CECR2: variants seen among roughly 807,000 people sequenced by gnomAD.
CECR2 encodes the protein CECR2 histone acetyl-lysine reader.
Under a neutral mutation model 154.5 loss-of-function variants are expected in CECR2, and 30 were observed. That is an observed-to-expected ratio of 0.19 (90% confidence interval 0.15 to 0.26). CECR2 has a LOEUF of 0.26. Among genes scored for constraint, CECR2 ranks in the 10% least tolerant of loss-of-function variants. CECR2 has a pLI of 1.00. For synonymous variants in CECR2, 725 were observed against 683.7 expected (o/e 1.06, Z -0.94); for missense variants, 1,743 against 1,829.3 (o/e 0.95, Z 0.86).
intron 1 of CECR2, among the ~76,000 whole-genome samples, chr22:17,461,890 T>C (rs1025620805): frequency 1.3e-5 from 2 of 151,702 alleles, no homozygotes; most frequent in Non-Finnish European, 2.9e-5. Context: ...TCTCCAGGGT[T>C]CAAGTGATTC....
intron 16 of CECR2, among the ~76,000 whole-genome samples, chr22:17,547,216 C>T (rs572794707): frequency 6.7e-6 from 1 of 150,214 alleles, no homozygotes; most frequent in African/African-American, 2.4e-5. Context: ...AGTAAATTTC[C>T]ATAATATGTT....
intron 2 of CECR2, among the ~76,000 whole-genome samples, chr22:17,486,764 T>G (rs955792492): frequency 2.0e-5 from 3 of 152,182 alleles, no homozygotes; most frequent in African/African-American, 7.2e-5. Context: ...AGTGAAAGCT[T>G]ATCGCAATTC....
intron 1 of CECR2, among the ~76,000 whole-genome samples, chr22:17,373,221 C>G (rs577711519): frequency 1.3e-5 from 2 of 152,200 alleles, no homozygotes; most frequent in East Asian, 3.9e-4. Flanking sequence ...TACCAGCACA[C>G]CCGGCTAATT....
At chr22:17,440,507 CTAAG>C (rs761003034) in intron 1 of CECR2, among the ~76,000 whole-genome samples, 71 of 152,090 alleles carry the variant, frequency 4.7e-4, no homozygotes, top group Non-Finnish European at 7.8e-4. Flanking sequence ...TCACTAGTAA[CTAAG>C]GAACTAAAAT....
chr22:17,404,698 C>T (rs1195708818), intron 1 of CECR2, among the ~76,000 whole-genome samples: 2 of 152,178 alleles, frequency 1.3e-5, no homozygotes, highest in Non-Finnish European at 2.9e-5. Context: ...TGTCATTGTT[C>T]ACTCTGTTCT....
intron 1 of CECR2, among the ~76,000 whole-genome samples, chr22:17,392,887 A>G (rs1162485580): frequency 6.6e-6 from 1 of 152,008 alleles, no homozygotes; most frequent in Non-Finnish European, 1.5e-5. Flanking sequence ...TAAAAATACA[A>G]AAATTAGCCA....
intron 1 of CECR2, among the ~76,000 whole-genome samples, chr22:17,421,703 G>T (rs1302998432): frequency 6.8e-6 from 1 of 146,690 alleles, no homozygotes; most frequent in African/African-American, 2.5e-5. Flanking sequence ...TGAGGCAGAA[G>T]AATTGCTTGA....
chr22:17,506,643 GT>G (rs917480008), intron 7 of CECR2, among the ~76,000 whole-genome samples: 3 of 152,008 alleles, frequency 2.0e-5, no homozygotes, highest in Admixed American at 6.6e-5. Flanking sequence ...TTCTTTTCAT[GT>G]TTTTTTGTTT....
chr22:17,536,351 C>T (rs1428033796), intron 9 of CECR2, among the ~76,000 whole-genome samples: 1 of 152,228 alleles, frequency 6.6e-6, no homozygotes, highest in African/African-American at 2.4e-5. Context: ...TTCTCCTTGC[C>T]TCTTTTCTTT....
chr22:17,443,589 G>T (rs566916768), intron 1 of CECR2, among the ~76,000 whole-genome samples: 1 of 152,062 alleles, frequency 6.6e-6, no homozygotes, highest in African/African-American at 2.4e-5. Context: ...AATTGACTCC[G>T]GCTTAGCAGC....
chr22:17,536,158 G>A (rs577583829), intron 9 of CECR2, among the ~76,000 whole-genome samples: 2 of 152,154 alleles, frequency 1.3e-5, no homozygotes, highest in Non-Finnish European at 2.9e-5. Flanking sequence ...TGAGGCAGGG[G>A]AATCGCTTGA....
At chr22:17,442,891 T>G (rs1332692283) in intron 1 of CECR2, among the ~76,000 whole-genome samples, 1 of 152,224 alleles carries the variant, frequency 6.6e-6, no homozygotes, top group East Asian at 1.9e-4. Context: ...CCTAGAATCA[T>G]TCACATTTTT....
intron 1 of CECR2, among the ~76,000 whole-genome samples, chr22:17,411,725 A>T (rs1390214531): frequency 6.6e-6 from 1 of 152,222 alleles, no homozygotes; most frequent in African/African-American, 2.4e-5. Context: ...TTTCAAAAAA[A>T]TTATTGTAAA....
chr22:17,464,862 A>G (rs16982512), intron 1 of CECR2, among the ~76,000 whole-genome samples: 4,317 of 152,264 alleles, frequency 0.028, 104 homozygotes, highest in African/African-American at 0.07. Context: ...CAGCCTCTCT[A>G]TTAAGTTTTT....
chr22:17,497,570 T>C lies in CECR2; in HGVS notation c.389T>C (p.Val130Ala), dbSNP rs894947020. The C allele has an allele frequency of 5.0e-6, 8 of 1,613,836 alleles. No homozygotes were observed. Among genetic ancestry groups the C allele is most frequent in the Non-Finnish European group, 6.8e-6 (8 of 1,179,870 alleles). Residue 130 changes from valine to alanine, a missense_variant, in exon 3 of 19, where the codon GTC (valine) becomes GCC (alanine). Around this residue, in one of 4 missense-constraint regions of CECR2, gnomAD observed 98 missense variants for 169.3 expected, o/e 0.58. Transcript: ENST00000262608. ...LCDYRLDADD[V>A]FDLLKGLDAD... Reference sequence around the variant, plus strand: ...GATTACCGGCTGGATGCAGACGATGTCTTCGATCTTCTAAAGGTATGCTTA... The same window carrying C: ...GATTACCGGCTGGATGCAGACGATGCCTTCGATCTTCTAAAGGTATGCTTA...
intron 9 of CECR2, among the ~76,000 whole-genome samples, chr22:17,533,130 A>G (rs185683175): frequency 3.1e-4 from 47 of 150,310 alleles, no homozygotes; most frequent in Middle Eastern, 3.6e-3. Context: ...ATCCTGGCCA[A>G]CTTGGTGAAA....
intron 9 of CECR2, among the ~76,000 whole-genome samples, chr22:17,526,327 T>C (rs188503320): frequency 1.3e-5 from 2 of 152,198 alleles, no homozygotes; most frequent in Admixed American, 6.5e-5. Flanking sequence ...TGGAACAGAA[T>C]AGAGAATCCA....
chr22:17,459,117 C>T (rs77783380), intron 1 of CECR2, among the ~76,000 whole-genome samples: 1,778 of 152,264 alleles, frequency 0.012, 30 homozygotes, highest in African/African-American at 0.039. Context: ...CAAGGACAGA[C>T]CAAGGAAGCC....
chr22:17,374,030 G>A (rs1452501414), intron 1 of CECR2, among the ~76,000 whole-genome samples: 1 of 152,222 alleles, frequency 6.6e-6, no homozygotes, highest in African/African-American at 2.4e-5. Context: ...CTTGAGTAAG[G>A]TAAGGGAGGA....
Sources: gnomAD v4.1 joint callset for allele counts (sites outside exome capture counted in the v4.1 genomes callset) on GRCh38, gnomAD v4.1.1 for gene constraint, gnomAD v4.1.1 regional missense constraint, MANE v1.5 for transcripts, NCBI Gene and HGNC (gene_info 2026-07-23, HGNC 2026-07-21) for gene names.